DDC: variants seen among roughly 807,000 people sequenced by gnomAD.
DDC encodes aromatic-L-amino-acid decarboxylase.
A neutral mutation model predicts 60.0 loss-of-function variants in DDC; 43 were observed. The ratio of observed to expected loss-of-function variants is 0.72; its 90% confidence interval spans 0.56 to 0.92. The LOEUF is 0.92. Among genes scored for constraint, DDC ranks in the 40% least tolerant of loss-of-function variants. The pLI is 0.00. For synonymous variants in DDC, 232 were observed against 234.6 expected, an observed-to-expected ratio of 0.99 and a Z score of 0.10; for missense variants, 573 against 620.2, an observed-to-expected ratio of 0.92 and a Z score of 0.81.
At chr7:50,521,903 A>C (rs540903765) in intron 6 of DDC, among the ~76,000 whole-genome samples, 1 of 152,294 alleles carries the variant, frequency 6.6e-6, no homozygotes, top group African/African-American at 2.4e-5. Context: ...TACTACTCCT[A>C]TCAACATTGT....
chr7:50,519,308 A>C (rs894330185), intron 6 of DDC, among the ~76,000 whole-genome samples: 3 of 152,362 alleles, frequency 2.0e-5, no homozygotes, highest in Admixed American at 6.5e-5. Context: ...GTAAACTAGT[A>C]TAGCCACTAT....
intron 11 of DDC, among the ~76,000 whole-genome samples, chr7:50,472,344 G>A (rs980474110): frequency 2.0e-5 from 3 of 152,152 alleles, no homozygotes; most frequent in Admixed American, 2.0e-4. Flanking sequence ...TCATTCATGG[G>A]TCATCTGAAA....
intron 12 of DDC, among the ~76,000 whole-genome samples, chr7:50,469,275 AAAG>A (rs2042476544): frequency 6.8e-6 from 1 of 147,544 alleles, no homozygotes; most frequent in Admixed American, 6.7e-5. Context: ...AAAAAAAAAA[AAAG>A]CAGGGGAGTG....
At chr7:50,517,532 C>T (rs1467954612) in intron 6 of DDC, among the ~76,000 whole-genome samples, 1 of 152,148 alleles carries the variant, frequency 6.6e-6, no homozygotes, top group Non-Finnish European at 1.5e-5. Context: ...AGGTTACCCA[C>T]TCTCACCACT....
chr7:50,543,746 A>G, intron 2 of DDC, 139 bp downstream of exon 2: 1 of 859,206 alleles, frequency 1.2e-6, no homozygotes, highest in South Asian at 1.4e-5. Flanking sequence ...CCTCAGTTGT[A>G]AAATAGAAAT....
intron 4 of DDC, among the ~76,000 whole-genome samples, chr7:50,530,247 C>T (rs897200843): frequency 1.3e-5 from 2 of 151,698 alleles, no homozygotes; most frequent in Non-Finnish European, 2.9e-5. Flanking sequence ...AGAGTGAGAC[C>T]CAGTCTCAAA....
chr7:50,460,370 GC>G (rs1162053371), intron 14 of DDC, among the ~76,000 whole-genome samples: 5 of 144,456 alleles, frequency 3.5e-5, no homozygotes, highest in African/African-American at 1.3e-4. Context: ...GGGAGGGTCA[GC>G]CCCCCGCCCG....
Position 50,544,123 on chromosome 7 carries a change from GA to G in DDC, c.-28-11del. On this transcript the variant is annotated splice_polypyrimidine_tract_variant and intron_variant, in intron 1 of 14. Transcript: ENST00000444124. Reference sequence around the variant, plus strand: ...CTGTCAGAGGTGAAAACTGCAGAAAGAAAATGATTCAGTGAGCAAATTTTGC... The same window carrying G: ...CTGTCAGAGGTGAAAACTGCAGAAAGAAATGATTCAGTGAGCAAATTTTGC... The G allele has an allele frequency of 1.2e-6, 2 of 1,604,536 alleles. No individual in the cohort carries two copies. The highest frequency in any genetic ancestry group is 1.7e-6 in the Non-Finnish European group (2 of 1,171,362).
Position 50,466,506 on chromosome 7 carries a change from A to C in DDC, c.1242+708T>G, listed in dbSNP as rs948865033. Reference sequence around the variant, plus strand: ...TGTCTCCAAAAAGAAAAAAAAAAAAAAAAAAAAAAAACCTTATAAACCAAA... The same window carrying C: ...TGTCTCCAAAAAGAAAAAAAAAAAACAAAAAAAAAAACCTTATAAACCAAA... On this transcript the variant is annotated intron_variant, in intron 13 of 14. Transcript: ENST00000444124. Among the ~76,000 whole-genome samples, 9 of 136,700 alleles carry C rather than the reference A, an allele frequency of 6.6e-5. No homozygotes were observed. In the South Asian group the frequency reaches 8.6e-4, roughly 13 times the overall value. 89.7% of individuals were successfully genotyped at this position (136,700 alleles called of 152,430 possible).
At chr7:50,512,187 C>T (rs556048560) in intron 6 of DDC, among the ~76,000 whole-genome samples, 2 of 152,114 alleles carry the variant, frequency 1.3e-5, no homozygotes, top group South Asian at 2.1e-4. Context: ...AAAGGTATAG[C>T]GATGTAGAAA....
chr7:50,500,929 T>C (rs777812448), intron 7 of DDC, among the ~76,000 whole-genome samples: 1 of 152,232 alleles, frequency 6.6e-6, no homozygotes, highest in African/African-American at 2.4e-5. Flanking sequence ...CTGGTTTCCA[T>C]GGGGATGCAT....
chr7:50,509,331 G>A (rs1222847021), intron 6 of DDC, among the ~76,000 whole-genome samples: 2 of 152,160 alleles, frequency 1.3e-5, no homozygotes, highest in African/African-American at 4.8e-5. Context: ...TATTAATTTG[G>A]TCCTTCCATC....
At chr7:50,526,150 A>G (rs1169965852) in intron 6 of DDC, among the ~76,000 whole-genome samples, 1 of 152,228 alleles carries the variant, frequency 6.6e-6, no homozygotes, top group Non-Finnish European at 1.5e-5. Context: ...ACAGTAAAAC[A>G]AAGACAAAAA....
intron 9 of DDC, among the ~76,000 whole-genome samples, chr7:50,480,846 G>A (rs1383127469): frequency 6.6e-6 from 1 of 152,244 alleles, no homozygotes; most frequent in East Asian, 1.9e-4. Context: ...CTGCAGACAG[G>A]GGTCCTCTTT....
At chr7:50,493,068 G>C (rs1390909335) in intron 9 of DDC, 28 of 1,377,474 alleles carry the variant, frequency 2.0e-5, no homozygotes, top group Non-Finnish European at 2.6e-5. Context: ...TTGCCTCCAA[G>C]ATTAGGGACC....
chr7:50,540,600 T>G (rs918102723), intron 2 of DDC, among the ~76,000 whole-genome samples: 1 of 152,002 alleles, frequency 6.6e-6, no homozygotes, highest in Non-Finnish European at 1.5e-5. Flanking sequence ...AGCTGAGGCC[T>G]TCCCTCCAGC....
chr7:50,558,259 G>A (rs2045248095), intron 1 of DDC, among the ~76,000 whole-genome samples: 1 of 152,144 alleles, frequency 6.6e-6, no homozygotes, highest in Non-Finnish European at 1.5e-5. Context: ...CAGTGCCCAT[G>A]ACATGTCCTG....
chr7:50,559,069 C>T (rs2045272430), intron 1 of DDC, among the ~76,000 whole-genome samples: 1 of 152,216 alleles, frequency 6.6e-6, no homozygotes, highest in Non-Finnish European at 1.5e-5. Context: ...TGAATAGTTG[C>T]CATATACAGG....
rs767507822 is a variant in DDC, at chr7:50,504,073, A to G, written c.715-14T>C. The G allele has an allele frequency of 3.7e-6, 6 of 1,604,218 alleles. No individual in the cohort carries two copies. The highest frequency in any genetic ancestry group is 5.1e-6 in the Non-Finnish European group (6 of 1,170,972). On this transcript the variant is annotated splice_polypyrimidine_tract_variant and intron_variant, in intron 6 of 14. Coordinates refer to ENST00000444124, the MANE Select transcript of DDC (RefSeq NM_001082971.2). ...GGTGGCAACCATCTAGAGGGTAAAAAGCAGACAGCCTTTTATTCCCCAGGT... is the reference window on the plus strand; with the variant it reads ...GGTGGCAACCATCTAGAGGGTAAAAGGCAGACAGCCTTTTATTCCCCAGGT...
Sources: gnomAD v4.1 joint callset for allele counts (sites outside exome capture counted in the v4.1 genomes callset) on GRCh38, gnomAD v4.1.1 for gene constraint, MANE v1.5 for transcripts, NCBI Gene and HGNC (gene_info 2026-07-23, HGNC 2026-07-21) for gene names.